The following SAMD3 variants were observed in gnomAD, a reference collection of about 807,000 sequenced individuals.
SAMD3 encodes the protein sterile alpha motif domain containing 3.
A neutral mutation model predicts 58.5 loss-of-function variants in SAMD3; 63 were observed. That is an observed-to-expected ratio of 1.08 (90% confidence interval 0.88 to 1.33). SAMD3 has a LOEUF of 1.33. Ranked by LOEUF, SAMD3 falls within the 40% of genes most tolerant of loss-of-function variation. The pLI, the probability that SAMD3 is intolerant of heterozygous loss-of-function variation, is 0.00. For missense variants in SAMD3, 604 were observed against 608.4 expected, an observed-to-expected ratio of 0.99 and a Z score of 0.08; for synonymous variants, 220 against 210.3, an observed-to-expected ratio of 1.05 and a Z score of -0.40.
At position 130,154,951 on chromosome 6, in the gene SAMD3, T is replaced by A; in HGVS notation, c.897A>T (p.Glu299Asp). ...TCTTGTCAATTTCTCTCCAGTCCTTTTCTGTTTTCACGTATTCTTGCTGGA... is the reference window on the plus strand; with the variant it reads ...TCTTGTCAATTTCTCTCCAGTCCTTATCTGTTTTCACGTATTCTTGCTGGA... ...KWFQQEYVKT[E>D]KDWREIDKRM... Residue 299 changes from glutamate (E) to aspartate (D), a missense_variant, in exon 9 of 12, where the codon GAA becomes GAT. Physicochemically the swap from Glu to Asp is conservative, Grantham distance 45 (BLOSUM62 2). Transcript: ENST00000439090. 6.2e-7 allele frequency: 1 copy of A among 1,613,592 alleles called. No individual in the cohort carries two copies. The highest frequency in any genetic ancestry group is 1.3e-5 in the African/African-American group (1 of 75,002).
intron 5 of SAMD3, among the ~76,000 whole-genome samples, chr6:130,200,079 G>A (rs1248231387): frequency 6.6e-6 from 1 of 151,786 alleles, no homozygotes. Flanking sequence ...AGTCTTTGGG[G>A]CCCTAATTCA....
At chr6:130,234,938 C>G (rs1442110560) in intron 2 of SAMD3, among the ~76,000 whole-genome samples, 1 of 152,058 alleles carries the variant, frequency 6.6e-6, no homozygotes, top group Non-Finnish European at 1.5e-5. Context: ...CATAGGGAGA[C>G]CCTGTTTCTA....
At chr6:130,334,762 A>T (rs1267458844) in intron 1 of SAMD3, among the ~76,000 whole-genome samples, 1 of 152,178 alleles carries the variant, frequency 6.6e-6, no homozygotes, top group African/African-American at 2.4e-5. Flanking sequence ...CTATATATAC[A>T]ATGTGTGGCA....
intron 1 of SAMD3, among the ~76,000 whole-genome samples, chr6:130,323,196 G>A (rs931339931): frequency 6.6e-6 from 1 of 152,142 alleles, no homozygotes; most frequent in African/African-American, 2.4e-5. Flanking sequence ...GAGAGAACAG[G>A]ACAACGGATA....
At chr6:130,143,572 AAAT>A (rs1266845793), downstream of SAMD3, among the ~76,000 whole-genome samples, 1 of 152,178 alleles carries the variant, frequency 6.6e-6, no homozygotes, top group Non-Finnish European at 1.5e-5. Context: ...ACTTAAAAAA[AAAT>A]TAATTTGAAC....
chr6:130,287,453 C>T (rs1775198033), intron 2 of SAMD3, among the ~76,000 whole-genome samples: 1 of 152,050 alleles, frequency 6.6e-6, no homozygotes, highest in South Asian at 2.1e-4. Context: ...GAATAAATAA[C>T]TATAAAAAGT....
intron 2 of SAMD3, among the ~76,000 whole-genome samples, chr6:130,253,064 C>T (rs1773797816): frequency 6.6e-6 from 1 of 152,178 alleles, no homozygotes; most frequent in Non-Finnish European, 1.5e-5. Flanking sequence ...TGTGTACATA[C>T]TTTACACAAC....
At chr6:130,257,182 G>A (rs529934963) in intron 2 of SAMD3, among the ~76,000 whole-genome samples, 2 of 148,794 alleles carry the variant, frequency 1.3e-5, no homozygotes, top group African/African-American at 5.1e-5. Context: ...TCCTTATAAG[G>A]ACAGAGGAAT....
chr6:130,269,237 C>T (rs761155123), intron 2 of SAMD3, among the ~76,000 whole-genome samples: 4 of 152,166 alleles, frequency 2.6e-5, no homozygotes, highest in African/African-American at 4.8e-5. Flanking sequence ...TTGAATAACG[C>T]TTTGCTCTTT....
At chr6:130,328,942 T>A (rs748363497) in intron 1 of SAMD3, among the ~76,000 whole-genome samples, 4 of 152,138 alleles carry the variant, frequency 2.6e-5, no homozygotes, top group Non-Finnish European at 5.9e-5. Flanking sequence ...AAGACAAGGT[T>A]GAGAGTGTCA....
At chr6:130,195,952 A>G (rs1212506165) in intron 5 of SAMD3, among the ~76,000 whole-genome samples, 1 of 152,096 alleles carries the variant, frequency 6.6e-6, no homozygotes, top group Non-Finnish European at 1.5e-5. Context: ...GACCCCATAG[A>G]TCCTAAATCC....
intron 2 of SAMD3, among the ~76,000 whole-genome samples, chr6:130,308,435 ATTCTT>A (rs1776022370): frequency 7.7e-6 from 1 of 129,698 alleles, no homozygotes; most frequent in African/African-American, 2.7e-5. Flanking sequence ...ATTCTATTCT[ATTCTT>A]TTGTGTGTGT....
intron 1 of SAMD3, among the ~76,000 whole-genome samples, chr6:130,334,817 T>C (rs962441344): frequency 5.3e-5 from 8 of 152,192 alleles, no homozygotes; most frequent in Admixed American, 4.6e-4. Context: ...GGTATAGTTC[T>C]TTTTATGCTG....
intron 1 of SAMD3, among the ~76,000 whole-genome samples, chr6:130,323,802 C>CAAAAAAAAAAAAA (rs766078214): frequency 1.9e-5 from 1 of 53,544 alleles, no homozygotes; most frequent in Non-Finnish European, 3.3e-5. Context: ...GACTCTGTCT[C>CAAAAAAAAAAAAA]AAAAAAAAAA....
chr6:130,198,084 A>C (rs1408136659), intron 5 of SAMD3, among the ~76,000 whole-genome samples: 2 of 151,880 alleles, frequency 1.3e-5, no homozygotes, highest in Non-Finnish European at 2.9e-5. Context: ...TACCTACCCA[A>C]ATCCTATAAA....
chr6:130,167,225 A>G (rs1331467142), intron 8 of SAMD3, among the ~76,000 whole-genome samples: 2 of 152,220 alleles, frequency 1.3e-5, no homozygotes, highest in African/African-American at 4.8e-5. Flanking sequence ...TCAAATATAC[A>G]TGAACCCCAA....
intron 5 of SAMD3, among the ~76,000 whole-genome samples, chr6:130,187,235 A>C (rs1302477901): frequency 1.3e-5 from 2 of 152,138 alleles, no homozygotes; most frequent in East Asian, 1.9e-4. Context: ...ACCTCAACAG[A>C]TAAGTTCAAT....
At chr6:130,332,921 T>C (rs1031945132) in intron 1 of SAMD3, among the ~76,000 whole-genome samples, 4 of 152,272 alleles carry the variant, frequency 2.6e-5, no homozygotes, top group Admixed American at 2.6e-4. Context: ...TTTTATATTG[T>C]AGCAGAAGAG....
intron 2 of SAMD3, among the ~76,000 whole-genome samples, chr6:130,230,749 T>C (rs62431201): frequency 0.14 from 21,679 of 152,222 alleles, 1,763 homozygotes; most frequent in East Asian, 0.36. Context: ...CAGAGTGATT[T>C]CTCAATAAAT....
Sources: allele counts gnomAD v4.1 joint callset (sites outside exome capture counted in the v4.1 genomes callset), GRCh38; gene constraint gnomAD v4.1.1; transcripts MANE v1.5; gene names NCBI Gene and HGNC (gene_info 2026-07-23, HGNC 2026-07-21).